The following CPA6 variants were observed in gnomAD, a reference collection of about 807,000 sequenced individuals.
CPA6 encodes carboxypeptidase A6.
A neutral mutation model predicts 63.3 loss-of-function variants in CPA6; 58 were observed. The ratio of observed to expected loss-of-function variants is 0.92; its 90% CI spans 0.74 to 1.14. The LOEUF is 1.14. Ranked by LOEUF, CPA6 falls within the 50% of genes most tolerant of loss-of-function variation. The probability of loss-of-function intolerance (pLI) is 0.00; values close to 1 mark genes in which losing one functional copy is unlikely to be tolerated. For synonymous variants in CPA6, 185 were observed against 179.0 expected (o/e 1.03, Z -0.27); for missense variants, 565 against 526.6 (o/e 1.07, Z -0.71).
intron 8 of CPA6, among the ~76,000 whole-genome samples, chr8:67,437,353 C>G (rs1349197899): frequency 3.3e-5 from 5 of 152,132 alleles, no homozygotes; most frequent in Admixed American, 6.5e-5. Context: ...GGAGCTTGCG[C>G]CACCGCACTC....
At chr8:67,718,996 G>A (rs1372254528) in intron 1 of CPA6, among the ~76,000 whole-genome samples, 3 of 152,042 alleles carry the variant, frequency 2.0e-5, no homozygotes, top group Non-Finnish European at 4.4e-5. Flanking sequence ...CCTTAGGTAG[G>A]GGGAAAAGCT....
chr8:67,733,401 G>A (rs959765389), intron 1 of CPA6, among the ~76,000 whole-genome samples: 1 of 151,016 alleles, frequency 6.6e-6, no homozygotes, highest in African/African-American at 2.5e-5. Context: ...CATGCTACAC[G>A]GGCTTCCACC....
intron 2 of CPA6, among the ~76,000 whole-genome samples, chr8:67,600,127 C>T (rs1174261243): frequency 3.3e-5 from 5 of 150,686 alleles, no homozygotes; most frequent in African/African-American, 1.2e-4. Context: ...TATTATTATA[C>T]TTTAAGTTTT....
At chr8:67,717,288 G>A (rs1817402206) in intron 1 of CPA6, among the ~76,000 whole-genome samples, 1 of 152,174 alleles carries the variant, frequency 6.6e-6, no homozygotes, top group African/African-American at 2.4e-5. Flanking sequence ...AGCTGCACAG[G>A]GGAGGGAAGG....
intron 8 of CPA6, among the ~76,000 whole-genome samples, chr8:67,471,782 G>A (rs771296204): frequency 1.3e-4 from 20 of 152,136 alleles, no homozygotes; most frequent in Non-Finnish European, 1.5e-5. Context: ...TACTTCATAA[G>A]GAGTTTGGAT....
chr8:67,478,116 T>G (rs1468541697), intron 8 of CPA6, among the ~76,000 whole-genome samples: 3 of 152,046 alleles, frequency 2.0e-5, no homozygotes, highest in Non-Finnish European at 4.4e-5. Context: ...AGGCTTAAGG[T>G]TAAGCCAATC....
chr8:67,474,077 G>A (rs960700704), intron 8 of CPA6, among the ~76,000 whole-genome samples: 1 of 152,188 alleles, frequency 6.6e-6, no homozygotes, highest in Admixed American at 6.5e-5. Flanking sequence ...GTAGCAGGCA[G>A]TAGGACCATG....
At chr8:67,450,942 T>C (rs554156140) in intron 8 of CPA6, among the ~76,000 whole-genome samples, 28 of 152,342 alleles carry the variant, frequency 1.8e-4, no homozygotes, top group African/African-American at 6.5e-4. Flanking sequence ...GTAAAAGTGA[T>C]AGCACTTATG....
At chr8:67,625,254 C>CAGA (rs1815170681) in intron 1 of CPA6, among the ~76,000 whole-genome samples, 1 of 152,070 alleles carries the variant, frequency 6.6e-6, no homozygotes, top group African/African-American at 2.4e-5. Context: ...TCTTTAAGAC[C>CAGA]AGAAGAATCC....
At chr8:67,648,329 G>A (rs1368156414) in intron 1 of CPA6, among the ~76,000 whole-genome samples, 3 of 127,968 alleles carry the variant, frequency 2.3e-5, no homozygotes, top group Admixed American at 8.9e-5. Flanking sequence ...TATAAAATTA[G>A]TATTTACATT....
chr8:67,449,357 C>T (rs1810504334), intron 8 of CPA6, among the ~76,000 whole-genome samples: 1 of 152,236 alleles, frequency 6.6e-6, no homozygotes, highest in South Asian at 2.1e-4. Context: ...TAACAATCTA[C>T]AGCAGCATTA....
chr8:67,637,831 T>C (rs910739556), intron 1 of CPA6, among the ~76,000 whole-genome samples: 4 of 151,482 alleles, frequency 2.6e-5, no homozygotes, highest in Admixed American at 1.3e-4. Context: ...GCTCAGTAGA[T>C]TGATGGCCAT....
intron 2 of CPA6, among the ~76,000 whole-genome samples, chr8:67,581,816 C>T (rs1377374573): frequency 6.6e-6 from 1 of 152,066 alleles, no homozygotes; most frequent in Non-Finnish European, 1.5e-5. Context: ...GGAATAACTG[C>T]CAGAATGAGA....
chr8:67,481,075 A>T (rs1587476232), intron 8 of CPA6, among the ~76,000 whole-genome samples: 2 of 152,362 alleles, frequency 1.3e-5, no homozygotes, highest in South Asian at 2.1e-4. Flanking sequence ...TAGTAGATAT[A>T]TGATTTGCAA....
intron 2 of CPA6, among the ~76,000 whole-genome samples, chr8:67,586,225 G>A (rs1813929286): frequency 6.6e-6 from 1 of 152,108 alleles, no homozygotes; most frequent in Admixed American, 6.5e-5. Context: ...GGTTGAGGAT[G>A]AGAGTAAGTC....
At chr8:67,455,663 CAAA>C (rs552041509) in intron 8 of CPA6, among the ~76,000 whole-genome samples, 1 of 30,252 alleles carries the variant, frequency 3.3e-5, no homozygotes, top group South Asian at 2.3e-3. Flanking sequence ...TCTACAAAAG[CAAA>C]AAAAAAAAAA....
intron 1 of CPA6, among the ~76,000 whole-genome samples, chr8:67,688,599 G>GGGCAACA (rs1816753282): frequency 6.6e-6 from 1 of 152,132 alleles, no homozygotes; most frequent in Non-Finnish European, 1.5e-5. Context: ...TGAGGTTTGT[G>GGGCAACA]TCAAAAACAA....
intron 2 of CPA6, among the ~76,000 whole-genome samples, chr8:67,528,101 G>A (rs1812403293): frequency 6.6e-6 from 1 of 152,198 alleles, no homozygotes. Flanking sequence ...GCTAAGTGCT[G>A]AGGGTACAAC....
At chr8:67,604,280 G>C (rs1232842715) in intron 2 of CPA6, among the ~76,000 whole-genome samples, 1 of 152,228 alleles carries the variant, frequency 6.6e-6, no homozygotes, top group East Asian at 1.9e-4. Flanking sequence ...GGTTGTGGCA[G>C]TTAGCAAAAG....
Sources: gnomAD v4.1 joint callset for allele counts (sites outside exome capture counted in the v4.1 genomes callset) on GRCh38, gnomAD v4.1.1 for gene constraint, MANE v1.5 for transcripts, NCBI Gene and HGNC (gene_info 2026-07-23, HGNC 2026-07-21) for gene names.